The following FBXW7 variants were observed in gnomAD, a reference collection of about 807,000 sequenced individuals.
FBXW7 encodes F-box and WD repeat domain containing 7, also known as F-box/WD repeat-containing protein 7.
Under a neutral mutation model 86.3 loss-of-function variants are expected in FBXW7, and 11 were observed. The observed-to-expected ratio is 0.13, with a 90% CI of 0.08 to 0.21. The LOEUF is 0.21. FBXW7 is among the 10% of genes least tolerant of loss of function. The pLI is 1.00. For missense variants in FBXW7, 488 were observed against 847.4 expected, an observed-to-expected ratio of 0.58 and a Z score of 5.27; for synonymous variants, 313 against 297.9, an observed-to-expected ratio of 1.05 and a Z score of -0.52.
chr4:152,334,209 G>A (rs1487200070), intron 7 of FBXW7, among the ~76,000 whole-genome samples: 2 of 152,002 alleles, frequency 1.3e-5, no homozygotes, highest in Non-Finnish European at 2.9e-5. Context: ...ATTACTTTTG[G>A]TATATCAGAG....
At chr4:152,516,871 G>C (rs2149723226) in intron 2 of FBXW7, among the ~76,000 whole-genome samples, 1 of 152,182 alleles carries the variant, frequency 6.6e-6, no homozygotes, top group Admixed American at 6.5e-5. Context: ...TGTCACCCAG[G>C]CTGGACTGCA....
chr4:152,405,095 T>TAA (rs11394424), intron 4 of FBXW7, among the ~76,000 whole-genome samples: 1,484 of 78,912 alleles, frequency 0.019, 39 homozygotes, highest in East Asian at 0.079. Flanking sequence ...GACCTTGTCT[T>TAA]AAAAAAAAAA....
intron 2 of FBXW7, among the ~76,000 whole-genome samples, chr4:152,496,131 C>G (rs529553225): frequency 6.6e-6 from 1 of 152,028 alleles, no homozygotes; most frequent in Non-Finnish European, 1.5e-5. Context: ...GAGCAGTGAC[C>G]ACACCACTGC....
intron 2 of FBXW7, among the ~76,000 whole-genome samples, chr4:152,431,948 T>A (rs1739929894): frequency 6.6e-6 from 1 of 152,212 alleles, no homozygotes; most frequent in Non-Finnish European, 1.5e-5. Flanking sequence ...CAGTACTTGC[T>A]ACTCTTCAGA....
chr4:152,428,255 T>A (rs1189914303), intron 2 of FBXW7, among the ~76,000 whole-genome samples: 1 of 152,094 alleles, frequency 6.6e-6, no homozygotes, highest in Non-Finnish European at 1.5e-5. Flanking sequence ...GGATTAAATT[T>A]CACTTGTGAG....
chr4:152,385,204 T>C (rs1210066531), intron 4 of FBXW7, among the ~76,000 whole-genome samples: 6 of 152,102 alleles, frequency 3.9e-5, no homozygotes, highest in Middle Eastern at 3.4e-3. Context: ...CTGAACTACA[T>C]AGAAGATACA....
intron 4 of FBXW7, among the ~76,000 whole-genome samples, chr4:152,356,624 A>G (rs554910439): frequency 6.6e-6 from 1 of 152,308 alleles, no homozygotes; most frequent in African/African-American, 2.4e-5. Flanking sequence ...CAAAATTTCA[A>G]CATCAATGAA....
intron 2 of FBXW7, among the ~76,000 whole-genome samples, chr4:152,467,976 CTT>C (rs942405208): frequency 8.5e-5 from 12 of 141,790 alleles, no homozygotes; most frequent in Admixed American, 3.6e-4. Context: ...AAAAGATAAT[CTT>C]TTTTTTTTTA....
chr4:152,419,909 T>TG lies in FBXW7; in HGVS notation c.-119-7381dup, dbSNP rs1348717137. ...TCAGTGAGTCCAATTTTTTTGCCGG[T>TG]GGGGGGTCTTATCTTGATATTGATG... is the stretch of plus-strand genomic sequence containing the variant. On this transcript the variant is annotated intron_variant, in intron 2 of 13. Transcript: ENST00000281708. Among the ~76,000 whole-genome samples, 20 of 152,194 alleles carry TG rather than the reference T, an allele frequency of 1.3e-4. No homozygotes were observed. The East Asian group carries it at 2.1e-3, about 16-fold the overall frequency.
At chr4:152,371,301 T>C (rs1444979621) in intron 4 of FBXW7, among the ~76,000 whole-genome samples, 1 of 151,948 alleles carries the variant, frequency 6.6e-6, no homozygotes, top group Non-Finnish European at 1.5e-5. Context: ...AGACAAGAAG[T>C]CTAATTCTGA....
intron 2 of FBXW7, among the ~76,000 whole-genome samples, chr4:152,438,569 G>A (rs1166942175): frequency 1.3e-5 from 2 of 152,140 alleles, no homozygotes; most frequent in Non-Finnish European, 2.9e-5. Context: ...CAGCTACTCA[G>A]GAGGCTGAGG....
chr4:152,375,479 T>C (rs1192761852), intron 4 of FBXW7, among the ~76,000 whole-genome samples: 1 of 151,930 alleles, frequency 6.6e-6, no homozygotes, highest in Non-Finnish European at 1.5e-5. Context: ...CAGTTGAAAA[T>C]AATATAGGTG....
chr4:152,340,554 C>G (rs570432133), intron 6 of FBXW7, among the ~76,000 whole-genome samples: 2 of 127,226 alleles, frequency 1.6e-5, no homozygotes, highest in Non-Finnish European at 3.1e-5. Flanking sequence ...CCAGCTTGGG[C>G]GACAGAGCGA....
At chr4:152,473,036 T>G (rs1002255419) in intron 2 of FBXW7, among the ~76,000 whole-genome samples, 6 of 152,196 alleles carry the variant, frequency 3.9e-5, no homozygotes, top group Non-Finnish European at 4.4e-5. Flanking sequence ...AAAATCTTGC[T>G]AATGCCCAGC....
At chr4:152,351,901 TTTTA>T (rs1731854890) in intron 4 of FBXW7, among the ~76,000 whole-genome samples, 1 of 152,026 alleles carries the variant, frequency 6.6e-6, no homozygotes, top group Admixed American at 6.6e-5. Context: ...TGAGAAAGGA[TTTTA>T]TTTTAAAAAT....
chr4:152,353,886 C>T (rs1273434679), intron 4 of FBXW7, among the ~76,000 whole-genome samples: 2 of 152,110 alleles, frequency 1.3e-5, no homozygotes, highest in South Asian at 2.1e-4. Context: ...CTACCCTCCC[C>T]ATTAGTGTTC....
At chr4:152,383,570 TTTC>T (rs2126785080) in intron 4 of FBXW7, among the ~76,000 whole-genome samples, 1 of 152,260 alleles carries the variant, frequency 6.6e-6, no homozygotes, top group Admixed American at 6.5e-5. Flanking sequence ...TCCATTCTAT[TTTC>T]TTCTTCCAAC....
chr4:152,373,475 A>C (rs1199093382), intron 4 of FBXW7, among the ~76,000 whole-genome samples: 1 of 152,032 alleles, frequency 6.6e-6, no homozygotes, highest in African/African-American at 2.4e-5. Flanking sequence ...TTTCTAGGAA[A>C]GTTCTCTACT....
chr4:152,326,637 C>A (rs1578877070), intron 11 of FBXW7, among the ~76,000 whole-genome samples: 1 of 151,944 alleles, frequency 6.6e-6, no homozygotes, highest in African/African-American at 2.4e-5. Flanking sequence ...TGGGAGAACT[C>A]TAGGTGGTAG....
Sources: allele counts gnomAD v4.1 joint callset (sites outside exome capture counted in the v4.1 genomes callset), GRCh38; gene constraint gnomAD v4.1.1; transcripts MANE v1.5; gene names NCBI Gene and HGNC (gene_info 2026-07-23, HGNC 2026-07-21).